CUX1: variants seen among roughly 807,000 people sequenced by gnomAD.
The protein encoded by CUX1 is cut like homeobox 1.
CUX1 carries 31 observed loss-of-function variants against 158.8 expected under a neutral mutation model. The observed-to-expected ratio is 0.20, with a 90% CI of 0.15 to 0.26. CUX1 has a LOEUF of 0.26. Among genes scored for constraint, CUX1 ranks in the 10% least tolerant of loss-of-function variants. The probability of loss-of-function intolerance (pLI) is 1.00; values close to 1 mark genes in which losing one functional copy is unlikely to be tolerated. For missense variants in CUX1, 1,589 were observed against 2,014.6 expected, an observed-to-expected ratio of 0.79 and a Z score of 4.04; for synonymous variants, 879 against 862.1, an observed-to-expected ratio of 1.02 and a Z score of -0.34.
intron 23 of CUX1, among the ~76,000 whole-genome samples, chr7:102,243,087 A>G (rs1800396083): frequency 6.6e-6 from 1 of 151,882 alleles, no homozygotes; most frequent in Admixed American, 6.6e-5. Context: ...CAGCCTGGCC[A>G]ACATGATGAA....
At chr7:101,956,134 G>A (rs1210547801) in intron 2 of CUX1, among the ~76,000 whole-genome samples, 12 of 79,124 alleles carry the variant, frequency 1.5e-4, no homozygotes, top group Non-Finnish European at 7.2e-5. Context: ...GTGAGCCCAC[G>A]TCTCAAAAAA....
intron 3 of CUX1, among the ~76,000 whole-genome samples, chr7:102,060,943 C>T (rs1824796977): frequency 9.1e-6 from 1 of 109,340 alleles, no homozygotes; most frequent in Non-Finnish European, 1.7e-5. Flanking sequence ...TGGAGACAGA[C>T]TCTCACTGTG....
chr7:102,111,543 G>T (rs549350562), intron 6 of CUX1, among the ~76,000 whole-genome samples, 155 bp from the exon 7 acceptor site: 1 of 152,206 alleles, frequency 6.6e-6, no homozygotes, highest in East Asian at 1.9e-4. Flanking sequence ...CTGCGGGAGC[G>T]GGGCCCACGG....
chr7:101,853,820 G>A (rs1157632132), intron 1 of CUX1, among the ~76,000 whole-genome samples: 2 of 152,164 alleles, frequency 1.3e-5, no homozygotes, highest in Non-Finnish European at 2.9e-5. Flanking sequence ...TAGGCACCAG[G>A]CTGGGGCATG....
rs1554519865 is a variant in CUX1, at chr7:102,201,780, T to C, written c.2483T>C (p.Val828Ala). 3.1e-6 allele frequency: 5 copies of C among 1,612,594 alleles called. No homozygotes were observed. Among genetic ancestry groups the C allele is most frequent in the Non-Finnish European group, 4.2e-6 (5 of 1,179,876 alleles). ...GAWKDHWWSA[V>A]QPERRNAASS... ...TGGAAGGACCACTGGTGGAGCGCGG[T>C]GCAGCCGGAGAGAAGAAATGCCGCC... The change falls in exon 18 of 24, where the codon GTG becomes GCG. Residue 828 changes from valine to alanine, a missense_variant. By Grantham distance (64) the Val-to-Ala change is moderately conservative. Coordinates refer to ENST00000292535, the MANE Select transcript of CUX1 (RefSeq NM_181552.4). The surrounding 1 kb of genome is among the most constrained non-coding windows in gnomAD (Gnocchi z 5.0).
At chr7:102,010,387 ACT>A (rs371060310) in intron 2 of CUX1, among the ~76,000 whole-genome samples, 77 of 123,140 alleles carry the variant, frequency 6.3e-4, no homozygotes, top group African/African-American at 2.3e-3. Context: ...GAACAAGAAG[ACT>A]CTGTCTCAAA....
At chr7:101,845,957 G>A (rs543934523) in intron 1 of CUX1, among the ~76,000 whole-genome samples, 1 of 151,724 alleles carries the variant, frequency 6.6e-6, no homozygotes, top group Non-Finnish European at 1.5e-5. Context: ...TCAGTGAGCC[G>A]AGATTGCACC....
At chr7:102,050,142 T>A (rs967082501) in intron 3 of CUX1, among the ~76,000 whole-genome samples, 1 of 152,226 alleles carries the variant, frequency 6.6e-6, no homozygotes, top group Non-Finnish European at 1.5e-5. Flanking sequence ...GACAAATCAC[T>A]GATCTTGGAG....
intron 2 of CUX1, among the ~76,000 whole-genome samples, chr7:101,930,895 G>A (rs971562499): frequency 4.6e-5 from 7 of 152,282 alleles, no homozygotes; most frequent in South Asian, 2.1e-4. Flanking sequence ...CTGGGAGTTC[G>A]AGACCAGCCT....
intron 2 of CUX1, among the ~76,000 whole-genome samples, chr7:101,978,625 T>G (rs1226310123): frequency 6.6e-6 from 1 of 152,262 alleles, no homozygotes; most frequent in Non-Finnish European, 1.5e-5. Context: ...CTGATGTCTT[T>G]CCATCCAACC....
At chr7:102,075,505 C>T (rs1249751572) in intron 4 of CUX1, among the ~76,000 whole-genome samples, 2 of 152,198 alleles carry the variant, frequency 1.3e-5, no homozygotes, top group African/African-American at 4.8e-5. Context: ...GCGGTTTTGT[C>T]CCTATTTCCT....
intron 2 of CUX1, among the ~76,000 whole-genome samples, chr7:101,981,635 C>T (rs559998605): frequency 2.7e-5 from 4 of 150,796 alleles, no homozygotes; most frequent in Non-Finnish European, 4.4e-5. Flanking sequence ...TTTTTTGAGA[C>T]GGAGTCTCGC....
intron 4 of CUX1, 136 bp from the exon 5 acceptor site, chr7:102,097,228 T>C: frequency 2.9e-6 from 3 of 1,039,700 alleles, no homozygotes; most frequent in East Asian, 2.5e-5. Flanking sequence ...GGGGGCTGGC[T>C]GCAGGGGCAT....
intron 1 of CUX1, among the ~76,000 whole-genome samples, chr7:101,907,312 C>T (rs1802867337): frequency 6.6e-6 from 1 of 152,018 alleles, no homozygotes; most frequent in Admixed American, 6.6e-5. Context: ...GGTCTCCTTA[C>T]TAGAGGGGAA....
At chr7:102,211,353 A>G (rs975192137) in intron 20 of CUX1, among the ~76,000 whole-genome samples, 1 of 151,966 alleles carries the variant, frequency 6.6e-6, no homozygotes, top group Non-Finnish European at 1.5e-5. Context: ...GGCTGAGGCA[A>G]GAGTATCACT....
chr7:102,279,920 C>T, intron 18 of CUX1: 1 of 701,756 alleles, frequency 1.4e-6, no homozygotes. Flanking sequence ...AGATCTAGGG[C>T]TCCCTCCCCC....
chr7:102,253,261 T>C lies in CUX1; in HGVS notation c.*4219T>C. ...TTTCTGGCCACCGCCCAAGCCCAGG[T>C]GGCCAGCTCTCATACCCCATCTCCC... On this transcript the variant is annotated 3_prime_UTR_variant, in exon 24 of 24. Transcript: ENST00000292535. 1 of 985,556 alleles carries C rather than the reference T, an allele frequency of 1.0e-6. No homozygotes were observed. The highest frequency in any genetic ancestry group is 1.2e-6 in the Non-Finnish European group (1 of 830,036). The allele number at this position is 985,556 out of a possible 1,614,324, so 61.1% of individuals were successfully genotyped here.
At position 102,255,259 on chromosome 7, in the gene CUX1, C is replaced by T. The variant is rs1376644093; in HGVS notation, c.*6217C>T. On this transcript the variant is annotated 3_prime_UTR_variant, in exon 24 of 24. Coordinates refer to ENST00000292535, the MANE Select transcript of CUX1 (RefSeq NM_181552.4). The stretch of plus-strand genomic sequence containing the variant: ...CAAAGATAACCGTGTCCATGCCATC[C>T]GTGGCATCATCTCGAGTTTTCATTT... The T allele has an allele frequency of 3.0e-6, 3 of 985,252 alleles. No individual in the cohort carries two copies. The highest frequency in any genetic ancestry group is 5.2e-4 in the Middle Eastern group (1 of 1,936). The allele number at this position is 985,252 out of a possible 1,614,324, so 61.0% of individuals were successfully genotyped here.
Position 102,249,002 on chromosome 7 carries a change from A to T in CUX1, c.4478A>T (p.Lys1493Met), listed in dbSNP as rs1206538866. Residue 1493 changes from lysine to methionine, a missense_variant, in exon 24 of 24, where the codon AAG (lysine) becomes ATG (methionine). Lys to Met is a moderately conservative substitution (Grantham distance 95, BLOSUM62 -1). Transcript: ENST00000292535. ...AACAGCATCATCCACCGCCTGGAGA[A>T]GGCCGCCAGCCGGGAGGAACCTATC... ...NLNSIIHRLE[K>M]AASREEPIEW... 7.1e-7 allele frequency: 1 copy of T among 1,406,582 alleles called. No homozygotes were observed. The allele number at this position is 1,406,582 out of a possible 1,614,324, so 87.1% of individuals were successfully genotyped here.
Sources: gnomAD v4.1 joint callset for allele counts (sites outside exome capture counted in the v4.1 genomes callset) on GRCh38, gnomAD v4.1.1 for gene constraint, Gnocchi (gnomAD v3.1) non-coding constraint, MANE v1.5 for transcripts, NCBI Gene and HGNC (gene_info 2026-07-23, HGNC 2026-07-21) for gene names.